Variants in ABCA6 observed in about 807,000 individuals in gnomAD.
ABCA6 encodes ATP binding cassette subfamily A member 6.
Under a neutral mutation model 191.2 loss-of-function variants are expected in ABCA6, and 164 were observed. The observed-to-expected ratio is 0.86, with a 90% CI of 0.76 to 0.98. The LOEUF is 0.98. ABCA6 is among the 50% of genes least tolerant of loss of function. The pLI, the probability that ABCA6 is intolerant of heterozygous loss-of-function variation, is 0.00. For synonymous variants in ABCA6, 636 were observed against 647.7 expected, an observed-to-expected ratio of 0.98 and a Z score of 0.27; for missense variants, 1,958 against 1,894.1, an observed-to-expected ratio of 1.03 and a Z score of -0.63.
chr17:69,134,393 C>T (rs987821918), intron 5 of ABCA6, among the ~76,000 whole-genome samples: 8 of 152,148 alleles, frequency 5.3e-5, no homozygotes, highest in Non-Finnish European at 1.2e-4. Flanking sequence ...TCTTTCATCA[C>T]GTGAGGACAC....
Position 69,123,382 on chromosome 17 carries a change from AGG to A in ABCA6, c.1291_1292del (p.Pro431PhefsTer16). 6.6e-7 allele frequency: 1 copy of A among 1,520,656 alleles called. No homozygotes were observed. The highest frequency in any genetic ancestry group is 8.9e-7 in the Non-Finnish European group (1 of 1,123,872). The allele number at this position is 1,520,656 out of a possible 1,614,324, so 94.2% of individuals were successfully genotyped here. A position where few individuals can be genotyped will look rare whatever the true frequency, so the allele number is the denominator to read the frequency against. On this transcript the variant is annotated frameshift_variant, in exon 10 of 39. Transcript: ENST00000284425. LOFTEE classifies it high-confidence loss of function. ...AAGATGATGAATTCAAGAAAAATAA[AGG>A]AGAATAATGGCGCTCATCTCCATCT... ...LPYGDERHYS[P>X]LFFLNSSSCF... is the part of the protein sequence containing the mutation.
At position 69,113,320 on chromosome 17, in the gene ABCA6, A is replaced by G; in HGVS notation, c.1943T>C (p.Phe648Ser). 1 of 1,594,240 alleles carries G rather than the reference A, an allele frequency of 6.3e-7. No individual in the cohort carries two copies. Among genetic ancestry groups the G allele is most frequent in the Non-Finnish European group, 8.5e-7 (1 of 1,175,224 alleles). The change falls in exon 15 of 39, where the codon TTT (phenylalanine) becomes TCT (serine). Residue 648 changes from phenylalanine (F) to serine (S), a missense_variant. Transcript: ENST00000284425. The stretch of plus-strand genomic sequence containing the variant: ...GAGGCTCCACACTTGATCTCTGGAA[A>G]AGGGATCCAATCCAGTAGTTGGTTC... ...LDEPTTGLDP[F>S]SRDQVWSLLR...
intron 8 of ABCA6, among the ~76,000 whole-genome samples, chr17:69,127,451 A>G (rs2073774693): frequency 6.6e-6 from 1 of 152,126 alleles, no homozygotes; most frequent in African/African-American, 2.4e-5. Context: ...CAGAGGAAAA[A>G]TGGGCCAAAG....
At chr17:69,134,791 T>C (rs763018261) in intron 4 of ABCA6, 49 bp from the exon 5 acceptor site, 1 of 1,282,828 alleles carries the variant, frequency 7.8e-7, no homozygotes, top group South Asian at 1.2e-5. Context: ...CGAGGGCAGT[T>C]GGAGAATATG....
chr17:69,131,212 A>C (rs1196267163), intron 6 of ABCA6, among the ~76,000 whole-genome samples: 2 of 152,204 alleles, frequency 1.3e-5, no homozygotes, highest in African/African-American at 4.8e-5. Context: ...ATTAAATGAG[A>C]ATTCAATAGC....
rs777365997 is a variant in ABCA6 at position 69,140,627 on chromosome 17, A to C, written c.77T>G (p.Met26Arg). Residue 26 changes from methionine to arginine, a missense_variant, in exon 2 of 39, where the codon ATG (methionine) becomes AGG (arginine). Coordinates refer to ENST00000284425, the MANE Select transcript of ABCA6 (RefSeq NM_080284.3). Reference sequence around the variant, plus strand: ...ACATACCAATAAGCTCTCTCTTTTCATCCTCCATTTCTTAAGAAAATTCTT... The same window carrying C: ...ACATACCAATAAGCTCTCTCTTTTCCTCCTCCATTTCTTAAGAAAATTCTT... ...LCKNFLKKWRMKRESLLEWGL... is the reference protein window; with the variant it reads ...LCKNFLKKWRRKRESLLEWGL... 3.1e-6 allele frequency: 5 copies of C among 1,599,038 alleles called. No individual in the cohort carries two copies. In the South Asian group the frequency reaches 4.5e-5, roughly 14 times the overall value.
chr17:69,119,764 G>C (rs990686833), intron 10 of ABCA6, among the ~76,000 whole-genome samples: 2 of 152,024 alleles, frequency 1.3e-5, no homozygotes, highest in Admixed American at 1.3e-4. Flanking sequence ...ACACACATAT[G>C]TACATATGCA....
At chr17:69,100,057 G>A (rs2073140710) in intron 22 of ABCA6, among the ~76,000 whole-genome samples, 1 of 152,160 alleles carries the variant, frequency 6.6e-6, no homozygotes, top group African/African-American at 2.4e-5. Context: ...CCATGACTAC[G>A]TTAAGTTCTT....
Position 69,115,332 on chromosome 17 carries a change from C to G in ABCA6, c.1606+44G>C, listed in dbSNP as rs183238240. On this transcript the variant is annotated intron_variant, in intron 12 of 38. Transcript: ENST00000284425. ...TGAGAGGCATATGCTTGACCTCATT[C>G]TATTATAAGACATCTTGCCTTTGAG... 129 of 1,424,750 alleles carry G rather than the reference C, an allele frequency of 9.1e-5. No homozygotes were observed. The African/African-American group carries it at 1.6e-3, about 18-fold the overall frequency. The allele number at this position is 1,424,750 out of a possible 1,614,324, so 88.3% of individuals were successfully genotyped here.
chr17:69,115,662 C>T, intron 11 of ABCA6, 176 bp from the exon 12 acceptor site: 1 of 451,500 alleles, frequency 2.2e-6, no homozygotes, highest in South Asian at 5.2e-5. Flanking sequence ...TAATATGTGA[C>T]AGAACTATAA....
intron 23 of ABCA6, 36 bp from the exon 24 acceptor site, chr17:69,096,837 T>C (rs753001368): frequency 6.9e-6 from 10 of 1,445,136 alleles, no homozygotes; most frequent in Non-Finnish European, 9.2e-6. Context: ...GAAATGTATA[T>C]AGATTCAATT....
At chr17:69,122,656 A>C (rs2073671107) in intron 10 of ABCA6, among the ~76,000 whole-genome samples, 1 of 151,956 alleles carries the variant, frequency 6.6e-6, no homozygotes, top group South Asian at 2.1e-4. Context: ...ACCAGATGAA[A>C]CCATGGAGAG....
At chr17:69,083,909 G>A (rs1317808115) in intron 34 of ABCA6, among the ~76,000 whole-genome samples, 1 of 151,934 alleles carries the variant, frequency 6.6e-6, no homozygotes, top group Non-Finnish European at 1.5e-5. Flanking sequence ...AAACAAACAG[G>A]AAAATTGTGT....
chr17:69,128,661 C>T lies in ABCA6; in HGVS notation c.1077G>A (p.Leu359=). The change falls in exon 8 of 39, where the codon TTG becomes TTA. Residue 359 remains leucine (L), a synonymous_variant. Coordinates refer to ENST00000284425, the MANE Select transcript of ABCA6 (RefSeq NM_080284.3). ...EQLPSSLEWI[L]NICSPFAFTT... is the part of the protein sequence containing the mutation. Reference sequence around the variant, plus strand: ...TAAAGGCAAAAGGGCTACAAATATTCAAAATCCACTCCAGAGATGAAGGAA... The same window carrying T: ...TAAAGGCAAAAGGGCTACAAATATTTAAAATCCACTCCAGAGATGAAGGAA... 1 of 1,613,154 alleles carries T rather than the reference C, an allele frequency of 6.2e-7. No individual in the cohort carries two copies. The highest frequency in any genetic ancestry group is 8.5e-7 in the Non-Finnish European group (1 of 1,179,464).
At chr17:69,112,998 T>TAA in intron 15 of ABCA6, 9 of 335,654 alleles carry the variant, frequency 2.7e-5, no homozygotes, top group East Asian at 5.2e-5. Context: ...ACAGCTGATC[T>TAA]AAAAAAAAAA....
Position 69,134,644 on chromosome 17 carries a change from T to C in ABCA6, c.559A>G (p.Ile187Val), listed in dbSNP as rs1001119087. ...CTTTTCAATCAAGCACTTACTTCTATAATGGCAGTATTAATAGCTGTTTGT... is the reference window on the plus strand; with the variant it reads ...CTTTTCAATCAAGCACTTACTTCTACAATGGCAGTATTAATAGCTGTTTGT... ...ALQTAINTAI[I>V]EITTNHPVME... is the part of the protein sequence containing the mutation. The change falls in exon 5 of 39, where the codon ATA becomes GTA. Residue 187 changes from isoleucine (I) to valine (V), a missense_variant. Coordinates refer to ENST00000284425, the MANE Select transcript of ABCA6 (RefSeq NM_080284.3). 24 of 1,609,358 alleles carry C rather than the reference T, an allele frequency of 1.5e-5. No individual in the cohort carries two copies. The highest frequency in any genetic ancestry group is 2.0e-5 in the Non-Finnish European group (24 of 1,177,360).
intron 37 of ABCA6, 33 bp downstream of exon 37, chr17:69,081,033 T>C: frequency 7.4e-7 from 1 of 1,345,582 alleles, no homozygotes; most frequent in South Asian, 1.4e-5. Context: ...AGTTGATTCT[T>C]CAAAAGATTT....
At chr17:69,098,049 T>G (rs745342501) in intron 22 of ABCA6, 22 bp from the exon 23 acceptor site, 7 of 1,489,632 alleles carry the variant, frequency 4.7e-6, no homozygotes, top group Non-Finnish European at 5.5e-6. Context: ...AAGGGTAGCT[T>G]AAACTAGTGA....
At chr17:69,122,576 G>C (rs1262748712) in intron 10 of ABCA6, among the ~76,000 whole-genome samples, 1 of 151,998 alleles carries the variant, frequency 6.6e-6, no homozygotes, top group East Asian at 1.9e-4. Flanking sequence ...CATCAAATGA[G>C]AGAGGAGAGT....
Sources: gnomAD v4.1 joint callset for allele counts (sites outside exome capture counted in the v4.1 genomes callset) on GRCh38, gnomAD v4.1.1 for gene constraint, MANE v1.5 for transcripts, NCBI Gene and HGNC (gene_info 2026-07-23, HGNC 2026-07-21) for gene names.